AMPH: variants seen among roughly 807,000 people sequenced by gnomAD.
AMPH encodes the protein amphiphysin (Stiff-Mann syndrome with breast cancer 128kD autoantigen).
AMPH carries 49 observed loss-of-function variants against 99.1 expected under a neutral mutation model. The ratio of observed to expected loss-of-function variants is 0.49; its 90% CI spans 0.39 to 0.63. The LOEUF (loss-of-function observed/expected upper bound fraction) is 0.63. Ranked by LOEUF, AMPH falls within the 20% of genes least tolerant of loss-of-function variation. The pLI, the probability that AMPH is intolerant of heterozygous loss-of-function variation, is 0.00. For missense variants in AMPH, 759 were observed against 863.4 expected, an observed-to-expected ratio of 0.88 and a Z score of 1.52; for synonymous variants, 314 against 317.3, an observed-to-expected ratio of 0.99 and a Z score of 0.11.
At chr7:38,477,958 G>A (rs189378509) in intron 5 of AMPH, among the ~76,000 whole-genome samples, 4 of 152,172 alleles carry the variant, frequency 2.6e-5, no homozygotes, top group Admixed American at 2.6e-4. Context: ...CCTACAACAA[G>A]TAGTGGACTG....
intron 1 of AMPH, among the ~76,000 whole-genome samples, chr7:38,569,189 T>A (rs943565415): frequency 2.0e-5 from 3 of 152,058 alleles, no homozygotes; most frequent in African/African-American, 7.2e-5. Flanking sequence ...TAATTTATGC[T>A]ACCTAAAGTA....
chr7:38,484,295 A>G (rs1788406493), intron 5 of AMPH, among the ~76,000 whole-genome samples: 1 of 152,066 alleles, frequency 6.6e-6, no homozygotes, highest in South Asian at 2.1e-4. Context: ...GAACCCCTAA[A>G]AGTCTACACA....
intron 1 of AMPH, among the ~76,000 whole-genome samples, chr7:38,603,083 T>C (rs62442568): frequency 0.17 from 25,379 of 152,052 alleles, 2,839 homozygotes; most frequent in Non-Finnish European, 0.26. Context: ...ACCTACTTTA[T>C]GGCAGGTGGA....
intron 1 of AMPH, among the ~76,000 whole-genome samples, chr7:38,607,474 T>C (rs1038179231): frequency 6.6e-5 from 10 of 152,226 alleles, no homozygotes; most frequent in Non-Finnish European, 1.0e-4. Context: ...ATACCCTTTA[T>C]GATTTCTCAA....
At chr7:38,463,198 A>C in intron 9 of AMPH, 85 bp from the exon 10 acceptor site, 1 of 1,578,952 alleles carries the variant, frequency 6.3e-7, no homozygotes. Context: ...AGAGAAACCC[A>C]GAAGCCTAAC....
At chr7:38,502,887 T>C (rs1789192310) in intron 3 of AMPH, among the ~76,000 whole-genome samples, 1 of 152,208 alleles carries the variant, frequency 6.6e-6, no homozygotes, top group South Asian at 2.1e-4. Context: ...AGGTTGAGAA[T>C]TTCACTCTGT....
At chr7:38,549,382 C>T (rs1584233923) in intron 1 of AMPH, among the ~76,000 whole-genome samples, 2 of 152,254 alleles carry the variant, frequency 1.3e-5, no homozygotes, top group South Asian at 2.1e-4. Flanking sequence ...CAAGCTAATT[C>T]TCAAAATCAC....
intron 1 of AMPH, among the ~76,000 whole-genome samples, chr7:38,621,899 C>T (rs1053198489): frequency 1.3e-5 from 2 of 152,122 alleles, no homozygotes; most frequent in African/African-American, 4.8e-5. Context: ...CATCTACAGC[C>T]AAATAGTACA....
At chr7:38,513,037 C>T (rs76749349) in intron 2 of AMPH, among the ~76,000 whole-genome samples, 1 of 152,124 alleles carries the variant, frequency 6.6e-6, no homozygotes, top group Non-Finnish European at 1.5e-5. Context: ...AAAGCAAGGG[C>T]CGTTACATTC....
intron 1 of AMPH, among the ~76,000 whole-genome samples, chr7:38,587,787 C>T (rs1358269046): frequency 6.6e-6 from 1 of 152,086 alleles, no homozygotes; most frequent in Non-Finnish European, 1.5e-5. Context: ...AATTGTGCTG[C>T]CAACGGTGCT....
intron 17 of AMPH, among the ~76,000 whole-genome samples, chr7:38,407,046 C>CTATA (rs1785036862): frequency 6.6e-5 from 1 of 15,080 alleles, no homozygotes; most frequent in African/African-American, 1.9e-4. Context: ...CTCTCTCTCT[C>CTATA]TCTATATATA....
chr7:38,550,136 A>T (rs879770689), intron 1 of AMPH, among the ~76,000 whole-genome samples: 1 of 152,222 alleles, frequency 6.6e-6, no homozygotes, highest in Non-Finnish European at 1.5e-5. Context: ...GTATGAAGCA[A>T]TAAGTATGCT....
In AMPH at chr7:38,612,405, G is replaced by A. The variant is rs367938790; in HGVS notation, c.69+18878C>T. Among the ~76,000 whole-genome samples, 65 of 152,138 alleles carry A rather than the reference G, an allele frequency of 4.3e-4. No individual in the cohort carries two copies. The East Asian group carries it at 7.5e-3, about 18-fold the overall frequency. Reference sequence around the variant, plus strand: ...TTTGTCTTTTTACAAATATCACTGTGAAAATGCCACTGGAGTTTCACAGGG... The same window carrying A: ...TTTGTCTTTTTACAAATATCACTGTAAAAATGCCACTGGAGTTTCACAGGG... On this transcript the variant is annotated intron_variant, in intron 1 of 20. Transcript: ENST00000356264.
intron 2 of AMPH, among the ~76,000 whole-genome samples, chr7:38,526,468 G>GTTTTTTT (rs1790194743): frequency 7.7e-6 from 1 of 130,124 alleles, no homozygotes; most frequent in African/African-American, 2.9e-5. Context: ...TAGAGACGGA[G>GTTTTTTT]TTTTGCCATG....
intron 1 of AMPH, among the ~76,000 whole-genome samples, chr7:38,566,209 G>A (rs1791737526): frequency 6.6e-6 from 1 of 152,100 alleles, no homozygotes; most frequent in Admixed American, 6.6e-5. Flanking sequence ...TTTGGGAAAA[G>A]CACCTTGAGA....
intron 20 of AMPH, among the ~76,000 whole-genome samples, chr7:38,386,444 T>C (rs1784350670): frequency 6.6e-6 from 1 of 152,178 alleles, no homozygotes; most frequent in Non-Finnish European, 1.5e-5. Context: ...AATCAAGATA[T>C]ATTCCAACAC....
At position 38,571,200 on chromosome 7, in the gene AMPH, T is replaced by C. The variant is rs544990078; in HGVS notation, c.70-36189A>G. 5.2e-5 allele frequency among the ~76,000 whole-genome samples: 5 copies of C among 97,072 alleles called. 1 individual carries two copies. In the East Asian group the frequency reaches 1.4e-3, roughly 27 times the overall value. 63.7% of individuals were successfully genotyped at this position (97,072 alleles called of 152,430 possible). The stretch of plus-strand genomic sequence containing the variant: ...TTATATATGAATATATATATTTATA[T>C]ATAATTATTTATATATTTTTATATA... On this transcript the variant is annotated intron_variant, in intron 1 of 20. Transcript: ENST00000356264.
chr7:38,455,605 AAAGAT>A (rs1787202583), intron 11 of AMPH, among the ~76,000 whole-genome samples: 1 of 152,202 alleles, frequency 6.6e-6, no homozygotes, highest in South Asian at 2.1e-4. Flanking sequence ...GATGTGAGGA[AAAGAT>A]AAGTGAGAAT....
At chr7:38,409,583 G>C (rs114890942) in intron 17 of AMPH, among the ~76,000 whole-genome samples, 1 of 152,072 alleles carries the variant, frequency 6.6e-6, no homozygotes, top group Non-Finnish European at 1.5e-5. Flanking sequence ...ACATTTATGC[G>C]CTTTTTTTCT....
Sources: allele counts gnomAD v4.1 joint callset (sites outside exome capture counted in the v4.1 genomes callset), GRCh38; gene constraint gnomAD v4.1.1; transcripts MANE v1.5; gene names NCBI Gene and HGNC (gene_info 2026-07-23, HGNC 2026-07-21).